The following GIGYF2 variants were observed in gnomAD, a reference collection of about 807,000 sequenced individuals.
GIGYF2 encodes the protein GRB10 interacting GYF protein 2.
In GIGYF2, 25 loss-of-function variants were observed where a neutral mutation model predicts 208.1. The observed-to-expected ratio is 0.12, with a 90% CI of 0.09 to 0.17. The LOEUF (loss-of-function observed/expected upper bound fraction) is 0.17, where lower values mean the gene tolerates loss of function less well. Ranked by LOEUF, GIGYF2 falls within the 10% of genes least tolerant of loss-of-function variation. The pLI is 1.00. For missense variants in GIGYF2, 1,302 were observed against 1,579.4 expected (o/e 0.82, Z 2.98); for synonymous variants, 534 against 543.8 (o/e 0.98, Z 0.25).
chr2:232,858,847 C>T lies in GIGYF2; in HGVS notation c.*1987C>T, dbSNP rs1690670691. 3.5e-6 allele frequency: 1 copy of T among 284,850 alleles called. No individual in the cohort carries two copies. The highest frequency in any genetic ancestry group is 2.2e-5 in the African/African-American group (1 of 45,322). The allele number at this position is 284,850 out of a possible 1,614,324, so 17.6% of individuals were successfully genotyped here. The stretch of plus-strand genomic sequence containing the variant: ...CCAAATATCTTTTCTCTTTTTGACT[C>T]TCCCTTTCTGCTAACATGTGGATCA... On this transcript the variant is annotated 3_prime_UTR_variant, in exon 29 of 29. Transcript: ENST00000373563.
At position 232,857,220 on chromosome 2, in the gene GIGYF2, T is replaced by G; in HGVS notation, c.*360T>G. The G allele has an allele frequency of 3.1e-6, 1 of 327,748 alleles. No individual in the cohort carries two copies. The highest frequency in any genetic ancestry group is 5.9e-6 in the Non-Finnish European group (1 of 169,102). 20.3% of individuals were successfully genotyped at this position (327,748 alleles called of 1,614,324 possible). A position where few individuals can be genotyped will look rare whatever the true frequency, so the allele number is the denominator to read the frequency against. On this transcript the variant is annotated 3_prime_UTR_variant, in exon 29 of 29. Transcript: ENST00000373563. ...TAGCAGCTTGCTTTCTCTTGTCACT[T>G]TTTTTCTTCTATTTTGTTTTTTCTT...
intron 14 of GIGYF2, among the ~76,000 whole-genome samples, chr2:232,799,076 T>G (rs1357376411): frequency 6.6e-6 from 1 of 152,078 alleles, no homozygotes; most frequent in Non-Finnish European, 1.5e-5. Flanking sequence ...TTTGACTGGC[T>G]TATTTCACTT....
chr2:232,697,802 G>A (rs577236803), intron 1 of GIGYF2, among the ~76,000 whole-genome samples: 1 of 152,310 alleles, frequency 6.6e-6, no homozygotes, highest in South Asian at 2.1e-4. Flanking sequence ...CCAGACACCC[G>A]CCCAGTCTCG....
rs182716552 is a variant in GIGYF2, at chr2:232,791,091, G to T, written c.1014G>T (p.Glu338Asp). ...VDEGEECSDS[E>D]GSHNEEAKEP... The stretch of plus-strand genomic sequence containing the variant: ...AAGGGGAGGAGTGCTCTGACTCTGA[G>T]GGTAGCCATAATGAAGAGGCCAAAG... Residue 338 changes from glutamate to aspartate, a missense_variant, in exon 11 of 29, where the codon GAG becomes GAT. Physicochemically the swap from Glu to Asp is conservative, Grantham distance 45 (BLOSUM62 2). Coordinates refer to ENST00000373563, the MANE Select transcript of GIGYF2 (RefSeq NM_001103146.3). 1 of 1,614,046 alleles carries T rather than the reference G, an allele frequency of 6.2e-7. No individual in the cohort carries two copies. Among genetic ancestry groups the T allele is most frequent in the East Asian group, 2.2e-5 (1 of 44,866 alleles).
intron 22 of GIGYF2, among the ~76,000 whole-genome samples, chr2:232,837,793 C>G (rs1465407167): frequency 6.6e-6 from 1 of 152,138 alleles, no homozygotes; most frequent in African/African-American, 2.4e-5. Context: ...AAATGATCTT[C>G]ACCAGTTTTG....
Position 232,847,684 on chromosome 2 carries a change from C to T in GIGYF2, c.3684+113C>T, listed in dbSNP as rs151181291. ...GTACCATTTTTGTATATCCAATAAC[C>T]ATGCTTTAAAAAATGTGTATACTTC... On this transcript the variant is annotated intron_variant, in intron 27 of 28. Coordinates refer to ENST00000373563, the MANE Select transcript of GIGYF2 (RefSeq NM_001103146.3). 594 of 1,421,258 alleles carry T rather than the reference C, an allele frequency of 4.2e-4. 3 individuals are homozygous for T. In the East Asian group the frequency reaches 0.012, roughly 29 times the overall value. The allele number at this position is 1,421,258 out of a possible 1,614,324, so 88.0% of individuals were successfully genotyped here.
Position 232,803,685 on chromosome 2 carries a change from T to TAATCTTC in GIGYF2, c.1640-2806_1640-2805insAATCTTC, listed in dbSNP as rs1700467996. On this transcript the variant is annotated intron_variant, in intron 14 of 28. Coordinates refer to ENST00000373563, the MANE Select transcript of GIGYF2 (RefSeq NM_001103146.3). ...TTCTATTTCTGCTTCTTTTTTTTTT[T>TAATCTTC]TTTTTTTTTTTTTGAGACGGAGTCT... Among the ~76,000 whole-genome samples the TAATCTTC allele has an allele frequency of 7.3e-4, 13 of 17,724 alleles. 1 individual carries two copies. The highest frequency in any genetic ancestry group is 2.8e-3 in the African/African-American group (7 of 2,496). 11.6% of individuals were successfully genotyped at this position (17,724 alleles called of 152,430 possible).
chr2:232,736,192 G>A (rs1014179073), intron 3 of GIGYF2: 1 of 976,098 alleles, frequency 1.0e-6, no homozygotes. Context: ...AGAACCGATG[G>A]AACTCCTGTA....
intron 2 of GIGYF2, among the ~76,000 whole-genome samples, chr2:232,711,911 A>G (rs761205868): frequency 6.6e-6 from 1 of 151,316 alleles, no homozygotes; most frequent in Non-Finnish European, 1.5e-5. Context: ...AATCCGAGTT[A>G]TATCAATAGT....
At chr2:232,784,382 A>AT (rs1360964345) in intron 8 of GIGYF2, among the ~76,000 whole-genome samples, 1 of 70,416 alleles carries the variant, frequency 1.4e-5, no homozygotes, top group Non-Finnish European at 2.6e-5. Context: ...ACACGAAATA[A>AT]TTTCTTTTTT....
intron 14 of GIGYF2, among the ~76,000 whole-genome samples, chr2:232,802,078 G>C (rs1236887038): frequency 6.6e-6 from 1 of 152,144 alleles, no homozygotes; most frequent in African/African-American, 2.4e-5. Context: ...TTCATTGTTG[G>C]TGTATAGAAA....
intron 2 of GIGYF2, among the ~76,000 whole-genome samples, chr2:232,727,019 C>T (rs1474165880): frequency 6.6e-6 from 1 of 152,166 alleles, no homozygotes; most frequent in South Asian, 2.1e-4. Context: ...GGCTGGAGTG[C>T]AGTGGCACGA....
rs191962461 is a variant in GIGYF2, at chr2:232,706,798, T to A, written c.-44+3309T>A. Among the ~76,000 whole-genome samples the A allele has an allele frequency of 6.3e-4, 96 of 151,376 alleles. 1 individual carries two copies. The highest frequency in any genetic ancestry group is 2.1e-3 in the African/African-American group (87 of 41,228). On this transcript the variant is annotated intron_variant, in intron 2 of 28. Transcript: ENST00000373563. ...CTGTCTCAAAAAATAAATAAATAAA[T>A]AAAAATAAATAATTAGCTCGGTGTG... is the stretch of plus-strand genomic sequence containing the variant.
Position 232,785,368 on chromosome 2 carries a change from A to T in GIGYF2, c.533-1782A>T, listed in dbSNP as rs562089859. Among the ~76,000 whole-genome samples the T allele has an allele frequency of 1.6e-4, 24 of 152,296 alleles. 1 individual carries two copies. The highest frequency in any genetic ancestry group is 5.3e-4 in the African/African-American group (22 of 41,560). ...AAGGCTGCACTCAAGGTGTCAGCCC[A>T]TGCTGCAGTCTCTCAAAGCTCAACT... On this transcript the variant is annotated intron_variant, in intron 8 of 28. Coordinates refer to ENST00000373563, the MANE Select transcript of GIGYF2 (RefSeq NM_001103146.3).
At chr2:232,703,107 C>G (rs1269686367) in intron 1 of GIGYF2, among the ~76,000 whole-genome samples, 1 of 152,176 alleles carries the variant, frequency 6.6e-6, no homozygotes, top group African/African-American at 2.4e-5. Flanking sequence ...AAGTTAATAC[C>G]AAGTCCCTAT....
intron 2 of GIGYF2, among the ~76,000 whole-genome samples, chr2:232,717,744 AAGAG>A (rs368611228): frequency 9.6e-6 from 1 of 104,602 alleles, no homozygotes; most frequent in Non-Finnish European, 2.0e-5. Flanking sequence ...TGAGGGGAGC[AAGAG>A]AGAGAGAGAG....
intron 22 of GIGYF2, among the ~76,000 whole-genome samples, chr2:232,834,050 G>T (rs1260007961): frequency 6.6e-6 from 1 of 152,050 alleles, no homozygotes; most frequent in African/African-American, 2.4e-5. Flanking sequence ...AGAAGCTGGG[G>T]TGCCTGCCAG....
intron 27 of GIGYF2, among the ~76,000 whole-genome samples, chr2:232,849,511 G>C (rs1346007564): frequency 1.3e-5 from 2 of 152,070 alleles, no homozygotes; most frequent in East Asian, 1.9e-4. Context: ...AATATAGAAG[G>C]CTCTTTGCAT....
Position 232,850,400 on chromosome 2 carries a change from A to G in GIGYF2, c.3823A>G (p.Ser1275Gly). Residue 1275 changes from serine to glycine, a missense_variant, in exon 28 of 29, where the codon AGT becomes GGT. Ser to Gly is a moderately conservative substitution (Grantham distance 56, BLOSUM62 0). Transcript: ENST00000373563. ...KKQKMVRADPSLLGFSVNASS... is the reference protein window; with the variant it reads ...KKQKMVRADPGLLGFSVNASS... ...GCAGAAGATGGTCCGAGCAGATCCC[A>G]GTTTATTAGGTGAGCACGGTCCTAG... is the stretch of plus-strand genomic sequence containing the variant. The G allele has an allele frequency of 6.2e-7, 1 of 1,614,164 alleles. No individual in the cohort carries two copies. Among genetic ancestry groups the G allele is most frequent in the Non-Finnish European group, 8.5e-7 (1 of 1,179,962 alleles).
Sources: allele counts gnomAD v4.1 joint callset (sites outside exome capture counted in the v4.1 genomes callset), GRCh38; gene constraint gnomAD v4.1.1; transcripts MANE v1.5; gene names NCBI Gene and HGNC (gene_info 2026-07-23, HGNC 2026-07-21).